SEMA4B: variants seen among roughly 807,000 people sequenced by gnomAD.
The protein encoded by SEMA4B is semaphorin-4B.
In SEMA4B, 55 loss-of-function variants were observed where a neutral mutation model predicts 88.1. That is an observed-to-expected ratio of 0.62 (90% CI 0.50 to 0.78). SEMA4B has a LOEUF of 0.78. Among genes scored for constraint, SEMA4B ranks in the 30% least tolerant of loss-of-function variants. The probability of loss-of-function intolerance (pLI) is 0.00; values close to 1 mark genes in which losing one functional copy is unlikely to be tolerated. For synonymous variants in SEMA4B, 525 were observed against 473.6 expected (o/e 1.11, Z -1.41); for missense variants, 1,062 against 1,111.9 (o/e 0.96, Z 0.64).
chr15:90,201,087 GGGGCCA>G (rs1960688024), upstream of SEMA4B, among the ~76,000 whole-genome samples: 1 of 152,232 alleles, frequency 6.6e-6, no homozygotes, highest in African/African-American at 2.4e-5. Context: ...GGAGCCGGAA[GGGGCCA>G]GGGCCTGGGC....
chr15:90,205,265 G>C (rs1172146977), intron 1 of SEMA4B, among the ~76,000 whole-genome samples: 1 of 152,228 alleles, frequency 6.6e-6, no homozygotes, highest in Non-Finnish European at 1.5e-5. Flanking sequence ...GGAGGAGGCA[G>C]CCAGGGTCAA....
At chr15:90,187,922 T>C (rs1242480596) in intron 1 of SEMA4B, among the ~76,000 whole-genome samples, 2 of 150,982 alleles carry the variant, frequency 1.3e-5, no homozygotes, top group African/African-American at 4.9e-5. Context: ...AGAGAATCGC[T>C]TGAACCCAGG....
chr15:90,211,923 G>A (rs528846266), intron 1 of SEMA4B, among the ~76,000 whole-genome samples: 18 of 152,146 alleles, frequency 1.2e-4, no homozygotes, highest in Non-Finnish European at 1.9e-4. Flanking sequence ...TGCCGTGCCC[G>A]GAGCCACAGT....
intron 3 of SEMA4B, 136 bp downstream of exon 3, chr15:90,217,965 G>T: frequency 1.4e-6 from 1 of 707,936 alleles, no homozygotes. Context: ...GAGATTACCC[G>T]GCCTGGGTTT....
At chr15:90,187,821 A>G (rs1960209164) in intron 1 of SEMA4B, among the ~76,000 whole-genome samples, 1 of 152,034 alleles carries the variant, frequency 6.6e-6, no homozygotes, top group East Asian at 1.9e-4. Flanking sequence ...CCTGACCAAT[A>G]TGGTGAAATC....
chr15:90,208,709 T>C (rs1961111325), intron 1 of SEMA4B, among the ~76,000 whole-genome samples: 1 of 152,162 alleles, frequency 6.6e-6, no homozygotes, highest in Admixed American at 6.6e-5. Context: ...TACTTTCAGC[T>C]GTCATACTTC....
chr15:90,191,856 C>G (rs1253296469), intron 1 of SEMA4B: 1 of 152,322 alleles, frequency 6.6e-6, no homozygotes, highest in Non-Finnish European at 1.5e-5. Context: ...GCTCCCAGCC[C>G]TGAGGACTTG....
chr15:90,224,312 A>C (rs947035085), intron 9 of SEMA4B, among the ~76,000 whole-genome samples: 8 of 152,192 alleles, frequency 5.3e-5, no homozygotes, highest in African/African-American at 1.2e-4. Flanking sequence ...CAAGTGACTG[A>C]ATGGGCAAGC....
chr15:90,185,177 A>C (rs920535146), intron 1 of SEMA4B: 3 of 661,568 alleles, frequency 4.5e-6, no homozygotes, highest in African/African-American at 3.9e-5. Flanking sequence ...CCACCCTTGC[A>C]CCCGCACCTC....
intron 11 of SEMA4B, 86 bp downstream of exon 11, chr15:90,225,483 C>T: frequency 2.9e-6 from 4 of 1,365,070 alleles, no homozygotes; most frequent in Non-Finnish European, 4.1e-6. Context: ...GCTTCTCCTC[C>T]CTTGCCTCAG....
At chr15:90,227,370 T>G (rs1962222814) in intron 12 of SEMA4B, 187 bp from the exon 13 acceptor site, 2 of 596,346 alleles carry the variant, frequency 3.4e-6, no homozygotes, top group Non-Finnish European at 6.0e-6. Context: ...ACTGTTTATG[T>G]AATTAAGGGA....
chr15:90,219,996 A>C (rs1961728177), intron 4 of SEMA4B, 105 bp downstream of exon 4: 3 of 846,882 alleles, frequency 3.5e-6, no homozygotes, highest in Non-Finnish European at 5.4e-6. Context: ...GGCAGGGCCC[A>C]GAGGGAGGTT....
rs1181123790 is a variant in SEMA4B at position 90,220,530 on chromosome 15, G to A, written c.484-452G>A. ...CTACAGGTGCCCGCCACCACGCCTG[G>A]CTAATTTTTTCTATTTTTCGGTAGA... On this transcript the variant is annotated intron_variant, in intron 4 of 13. Coordinates refer to ENST00000411539, the MANE Select transcript of SEMA4B (RefSeq NM_198925.4). Among the ~76,000 whole-genome samples, 3 of 151,778 alleles carry A rather than the reference G, an allele frequency of 2.0e-5. No homozygotes were observed. The East Asian group carries it at 5.8e-4, about 29-fold the overall frequency.
At chr15:90,206,272 G>C (rs1960983556) in intron 1 of SEMA4B, among the ~76,000 whole-genome samples, 1 of 152,122 alleles carries the variant, frequency 6.6e-6, no homozygotes, top group African/African-American at 2.4e-5. Context: ...TGGGGATCGG[G>C]GCAACAGGAA....
intron 1 of SEMA4B, among the ~76,000 whole-genome samples, chr15:90,186,685 C>T (rs982044008): frequency 1.1e-4 from 16 of 152,094 alleles, no homozygotes; most frequent in African/African-American, 3.9e-4. Flanking sequence ...CGCCTGTAAT[C>T]CCAGCACTTT....
intron 1 of SEMA4B, among the ~76,000 whole-genome samples, chr15:90,195,938 C>CTTTTTTTTTT (rs10530160): frequency 8.6e-5 from 11 of 128,464 alleles, no homozygotes; most frequent in East Asian, 4.5e-4. Context: ...TTTTTTTTTT[C>CTTTTTTTTTT]GAGACGGAGT....
upstream of SEMA4B, among the ~76,000 whole-genome samples, chr15:90,198,589 T>C (rs2151589926): frequency 6.6e-6 from 1 of 152,268 alleles, no homozygotes; most frequent in South Asian, 2.1e-4. Flanking sequence ...TTCAAGGTGA[T>C]AAATGAGCAA....
Position 90,212,619 on chromosome 15 carries a change from G to A in SEMA4B, c.158-4820G>A, listed in dbSNP as rs1327543517. Among the ~76,000 whole-genome samples, 1 of 150,614 alleles carries A rather than the reference G, an allele frequency of 6.6e-6. No individual in the cohort carries two copies. The highest frequency in any genetic ancestry group is 2.4e-5 in the African/African-American group (1 of 41,024). On this transcript the variant is annotated intron_variant, in intron 1 of 13. Coordinates refer to ENST00000411539, the MANE Select transcript of SEMA4B (RefSeq NM_198925.4). The surrounding 1 kb of genome is among the most constrained non-coding windows in gnomAD (Gnocchi z 4.0). The stretch of plus-strand genomic sequence containing the variant: ...AGCACCTAGGAGTGAGTGCGCAAGC[G>A]TGGACAAGCCCTGCGGTACCGTGTA...
At chr15:90,185,215 C>T (rs937466520) in intron 1 of SEMA4B, 2 of 395,294 alleles carry the variant, frequency 5.1e-6, no homozygotes, top group Non-Finnish European at 6.9e-6. Context: ...CCAGAAGGCG[C>T]CACCTGCACG....
Sources: allele counts gnomAD v4.1 joint callset (sites outside exome capture counted in the v4.1 genomes callset), GRCh38; gene constraint gnomAD v4.1.1; non-coding constraint Gnocchi (gnomAD v3.1); transcripts MANE v1.5; gene names NCBI Gene and HGNC (gene_info 2026-07-23, HGNC 2026-07-21).